RALGPS1: variants seen among roughly 807,000 people sequenced by gnomAD.
RALGPS1 encodes ras-specific guanine nucleotide-releasing factor RalGPS1.
In RALGPS1, 19 loss-of-function variants were observed where a neutral mutation model predicts 78.8. The observed-to-expected ratio is 0.24, with a 90% CI of 0.17 to 0.35. The LOEUF is 0.35. RALGPS1 is among the 10% of genes least tolerant of loss of function. The pLI, the probability that RALGPS1 is intolerant of heterozygous loss-of-function variation, is 1.00. For missense variants in RALGPS1, 454 were observed against 688.3 expected (o/e 0.66, Z 3.81); for synonymous variants, 228 against 256.3 (o/e 0.89, Z 1.06).
intron 1 of RALGPS1, among the ~76,000 whole-genome samples, chr9:126,945,829 T>C (rs1330317656): frequency 2.6e-5 from 4 of 152,242 alleles, no homozygotes; most frequent in African/African-American, 9.6e-5. Flanking sequence ...GATAAGGTCG[T>C]TCCCTGGGGC....
intron 1 of RALGPS1, among the ~76,000 whole-genome samples, chr9:126,932,501 A>G (rs144188426): frequency 9.2e-5 from 14 of 152,320 alleles, no homozygotes; most frequent in Non-Finnish European, 1.9e-4. Flanking sequence ...AAACAATACC[A>G]GTGTCCATTG....
At chr9:126,925,611 A>G (rs1045292464) in intron 1 of RALGPS1, among the ~76,000 whole-genome samples, 2 of 152,136 alleles carry the variant, frequency 1.3e-5, no homozygotes, top group African/African-American at 2.4e-5. Context: ...CCAGATACTC[A>G]GAAGGCTAAG....
intron 5 of RALGPS1, among the ~76,000 whole-genome samples, chr9:127,037,390 T>G (rs2046952894): frequency 6.6e-6 from 1 of 152,230 alleles, no homozygotes; most frequent in Non-Finnish European, 1.5e-5. Flanking sequence ...CTCAGGACCT[T>G]TTTCCATTCA....
intron 4 of RALGPS1, among the ~76,000 whole-genome samples, chr9:127,025,840 C>T (rs1204924964): frequency 5.9e-5 from 9 of 151,926 alleles, no homozygotes; most frequent in Non-Finnish European, 7.4e-5. Flanking sequence ...TGCAGGCAAG[C>T]ACACCATGCC....
intron 8 of RALGPS1, among the ~76,000 whole-genome samples, chr9:127,071,347 T>C (rs1215452080): frequency 6.6e-6 from 1 of 152,202 alleles, no homozygotes; most frequent in African/African-American, 2.4e-5. Context: ...TTCCACATTT[T>C]AACACTTCTG....
intron 8 of RALGPS1, among the ~76,000 whole-genome samples, chr9:127,118,453 AT>A (rs1364808928): frequency 6.6e-6 from 1 of 152,220 alleles, no homozygotes; most frequent in African/African-American, 2.4e-5. Flanking sequence ...TATTCAATGA[AT>A]TGATTCTTTC....
intron 1 of RALGPS1, among the ~76,000 whole-genome samples, chr9:126,929,954 C>T (rs1189434419): frequency 6.6e-6 from 1 of 152,050 alleles, no homozygotes; most frequent in Non-Finnish European, 1.5e-5. Context: ...GATCCTTCCA[C>T]CTCAGCCTCC....
intron 1 of RALGPS1, among the ~76,000 whole-genome samples, chr9:126,921,953 A>G (rs1248044885): frequency 6.6e-6 from 1 of 152,336 alleles, no homozygotes; most frequent in East Asian, 1.9e-4. Context: ...GTTACTGCAC[A>G]AGCAATGTGT....
intron 5 of RALGPS1, among the ~76,000 whole-genome samples, chr9:127,041,031 T>TTG (rs58541875): frequency 0.11 from 15,583 of 135,700 alleles, 2,010 homozygotes; most frequent in African/African-American, 0.33. Flanking sequence ...CTACAAACAT[T>TTG]TGTGTGTGTG....
intron 1 of RALGPS1, among the ~76,000 whole-genome samples, chr9:126,936,785 C>CAAGG (rs2036297469): frequency 6.6e-6 from 1 of 150,544 alleles, no homozygotes; most frequent in Non-Finnish European, 1.5e-5. Flanking sequence ...AACCCAAGGA[C>CAAGG]AAGGGAAGTG....
rs549369473 is a variant in RALGPS1 at position 127,211,674 on chromosome 9, C to A, written c.1248-457C>A. On this transcript the variant is annotated intron_variant, in intron 14 of 18. Transcript: ENST00000259351. The surrounding 1 kb of genome is among the most constrained non-coding windows in gnomAD (Gnocchi z 5.0). Reference sequence around the variant, plus strand: ...GTGGGGAATGGTGCGTGTGGGCTCGCGTCCCTCCTGTCCCTCCACACCACC... The same window carrying A: ...GTGGGGAATGGTGCGTGTGGGCTCGAGTCCCTCCTGTCCCTCCACACCACC... Among the ~76,000 whole-genome samples the A allele has an allele frequency of 6.6e-6, 1 of 152,054 alleles. No individual in the cohort carries two copies. Among genetic ancestry groups the A allele is most frequent in the Admixed American group, 6.5e-5 (1 of 15,278 alleles).
At chr9:127,106,768 CCTGCA>C (rs1308828748) in intron 8 of RALGPS1, among the ~76,000 whole-genome samples, 1 of 152,238 alleles carries the variant, frequency 6.6e-6, no homozygotes, top group Non-Finnish European at 1.5e-5. Context: ...TGGCCACCCT[CCTGCA>C]CTCAGGTTCA....
intron 4 of RALGPS1, among the ~76,000 whole-genome samples, chr9:127,008,671 G>A (rs758665503): frequency 9.9e-5 from 15 of 152,132 alleles, no homozygotes; most frequent in Non-Finnish European, 2.2e-4. Context: ...TGGTACAGAC[G>A]GAGCTGGGTT....
At chr9:127,123,113 G>A (rs867369150) in intron 8 of RALGPS1, among the ~76,000 whole-genome samples, 3 of 152,234 alleles carry the variant, frequency 2.0e-5, no homozygotes, top group Non-Finnish European at 4.4e-5. Flanking sequence ...GCTGGCGGGC[G>A]GGGCAGCTCA....
chr9:127,001,286 C>CAAA, intron 4 of RALGPS1, among the ~76,000 whole-genome samples: 1 of 97,430 alleles, frequency 1.0e-5, no homozygotes, highest in Non-Finnish European at 2.2e-5. Context: ...GACTCTGTCT[C>CAAA]AAAAAAAAAA....
chr9:127,165,987 A>G, intron 8 of RALGPS1, 82 bp from the exon 9 acceptor site: 1 of 1,466,880 alleles, frequency 6.8e-7, no homozygotes, highest in Non-Finnish European at 9.0e-7. Context: ...TATATTTTTT[A>G]GCAGATCAGT....
At chr9:127,119,044 C>T (rs1301407078) in intron 8 of RALGPS1, among the ~76,000 whole-genome samples, 2 of 152,120 alleles carry the variant, frequency 1.3e-5, no homozygotes, top group South Asian at 2.1e-4. Flanking sequence ...CCAGTGTTTC[C>T]CTGAGGCTCT....
intron 8 of RALGPS1, chr9:127,087,442 A>G (rs1440725942): frequency 6.6e-6 from 1 of 152,632 alleles, no homozygotes; most frequent in Non-Finnish European, 1.5e-5. Flanking sequence ...TACACAAAAC[A>G]TGCTACATGG....
rs757419778 is a variant in RALGPS1 at position 127,213,028 on chromosome 9, C to G, written c.1531C>G (p.Gln511Glu). The change falls in exon 17 of 19, where the codon CAG becomes GAG. Residue 511 changes from glutamine (Q) to glutamate (E), a missense_variant. Coordinates refer to ENST00000259351, the MANE Select transcript of RALGPS1 (RefSeq NM_014636.3). ...PDDPEHPDIF[Q>E]LNNPDKGNVY... is the part of the protein sequence containing the mutation. ...TGACCCCGAGCACCCAGATATCTTC[C>G]AGCTGAACAACCCTGACAAAGGTAG... 6.2e-7 allele frequency: 1 copy of G among 1,614,222 alleles called. No homozygotes were observed. The highest frequency in any genetic ancestry group is 1.1e-5 in the South Asian group (1 of 91,078).
Sources: gnomAD v4.1 joint callset for allele counts (sites outside exome capture counted in the v4.1 genomes callset) on GRCh38, gnomAD v4.1.1 for gene constraint, Gnocchi (gnomAD v3.1) non-coding constraint, MANE v1.5 for transcripts, NCBI Gene and HGNC (gene_info 2026-07-23, HGNC 2026-07-21) for gene names.